Variants in CACNB2 observed in about 807,000 individuals in gnomAD.
CACNB2 encodes calcium voltage-gated channel auxiliary subunit beta 2.
In CACNB2, 42 loss-of-function variants were observed where a neutral mutation model predicts 73.3. The ratio of observed to expected loss-of-function variants is 0.57; its 90% CI spans 0.45 to 0.74. The LOEUF is 0.74. Among genes scored for constraint, CACNB2 ranks in the 30% least tolerant of loss-of-function variants. The pLI is 0.00. For synonymous variants in CACNB2, 348 were observed against 310.3 expected (o/e 1.12, Z -1.28); for missense variants, 940 against 853.0 (o/e 1.10, Z -1.27).
chr10:18,222,820 C>T (rs1403662492), intron 2 of CACNB2, among the ~76,000 whole-genome samples: 1 of 152,104 alleles, frequency 6.6e-6, no homozygotes, highest in Non-Finnish European at 1.5e-5. Flanking sequence ...GCCTGTAATC[C>T]CAGCTACTTG....
intron 2 of CACNB2, among the ~76,000 whole-genome samples, chr10:18,265,149 CTTT>C (rs34442607): frequency 8.3e-6 from 1 of 120,958 alleles, no homozygotes; most frequent in Non-Finnish European, 1.7e-5. Context: ...TGGCCATCTT[CTTT>C]TTTTTTTTTT....
chr10:18,473,920 G>GT (rs1387046650), intron 3 of CACNB2, among the ~76,000 whole-genome samples: 1 of 152,142 alleles, frequency 6.6e-6, no homozygotes, highest in Non-Finnish European at 1.5e-5. Context: ...GAAGCTGCAG[G>GT]TGCAGCTCCC....
chr10:18,527,515 T>TG (rs2052597205), intron 9 of CACNB2, 73 bp from the exon 10 acceptor site: 1 of 876,170 alleles, frequency 1.1e-6, no homozygotes, highest in South Asian at 1.3e-5. Flanking sequence ...TAGATGAATT[T>TG]GGGGCATACA....
chr10:18,252,005 T>G (rs886153353), intron 2 of CACNB2, among the ~76,000 whole-genome samples: 1 of 152,210 alleles, frequency 6.6e-6, no homozygotes, highest in Non-Finnish European at 1.5e-5. Context: ...ATAATTGATA[T>G]GAGGATTAAA....
chr10:18,448,302 TC>T lies in CACNB2; in HGVS notation c.333+46260del, dbSNP rs60164469. ...CTGGCCAACATGGTGAAACACCATCTCTACTAAAAACACAAAAATTAGCAGG... is the reference window on the plus strand; with the variant it reads ...CTGGCCAACATGGTGAAACACCATCTTACTAAAAACACAAAAATTAGCAGG... On this transcript the variant is annotated intron_variant, in intron 3 of 13. Coordinates refer to ENST00000324631, the MANE Select transcript of CACNB2 (RefSeq NM_201596.3). Among the ~76,000 whole-genome samples the T allele has an allele frequency of 5.7e-3, 865 of 151,898 alleles. 12 individuals carry two copies. Among genetic ancestry groups the T allele is most frequent in the African/African-American group, 0.02 (822 of 41,472 alleles).
intron 3 of CACNB2, among the ~76,000 whole-genome samples, chr10:18,424,822 A>G (rs2045514674): frequency 6.6e-6 from 1 of 152,192 alleles, no homozygotes; most frequent in Admixed American, 6.5e-5. Flanking sequence ...CTTTTTACCA[A>G]TATGTGGTCT....
intron 4 of CACNB2, among the ~76,000 whole-genome samples, chr10:18,499,329 A>G (rs2050031772): frequency 6.6e-6 from 1 of 152,176 alleles, no homozygotes. Context: ...CGATTAAAAG[A>G]ACCTAGGGCT....
At chr10:18,405,709 G>A (rs1435536467) in intron 3 of CACNB2, among the ~76,000 whole-genome samples, 1 of 152,214 alleles carries the variant, frequency 6.6e-6, no homozygotes, top group African/African-American at 2.4e-5. Flanking sequence ...TGTAATCCCA[G>A]CAATTTGGGA....
At chr10:18,424,374 C>T (rs1035391717) in intron 3 of CACNB2, among the ~76,000 whole-genome samples, 1 of 152,030 alleles carries the variant, frequency 6.6e-6, no homozygotes, top group Non-Finnish European at 1.5e-5. Context: ...AGGGGCTATT[C>T]GTGCAGAAAT....
rs549316692 is a variant in CACNB2 at position 18,226,836 on chromosome 10, T to C, written c.213+75861T>C. 4.6e-5 allele frequency among the ~76,000 whole-genome samples: 7 copies of C among 152,318 alleles called. No individual in the cohort carries two copies. In the South Asian group the frequency reaches 1.4e-3, roughly 32 times the overall value. On this transcript the variant is annotated intron_variant, in intron 2 of 13. Transcript: ENST00000324631. ...TACAGCCAGGATTTTAACTCCTGTC[T>C]TTTAACTCCCAGTTTTGCCACACTG... is the stretch of plus-strand genomic sequence containing the variant.
chr10:18,512,457 TTC>T (rs10596632), intron 6 of CACNB2, among the ~76,000 whole-genome samples: 30,858 of 152,082 alleles, frequency 0.2, 3,380 homozygotes, highest in South Asian at 0.3. Context: ...GAATTTTCCA[TTC>T]TCTCTTTTTC....
intron 5 of CACNB2, among the ~76,000 whole-genome samples, chr10:18,501,976 A>G (rs1278662726): frequency 5.9e-5 from 9 of 152,206 alleles, no homozygotes; most frequent in African/African-American, 2.2e-4. Context: ...AGATGGTGAG[A>G]TGCATTCAGT....
chr10:18,420,860 G>T (rs2045281352), intron 3 of CACNB2, among the ~76,000 whole-genome samples: 1 of 152,080 alleles, frequency 6.6e-6, no homozygotes, highest in Admixed American at 6.5e-5. Context: ...AATACAAGAA[G>T]AACTGAAAAT....
At chr10:18,451,561 A>G (rs1046257714) in intron 3 of CACNB2, among the ~76,000 whole-genome samples, 1 of 152,216 alleles carries the variant, frequency 6.6e-6, no homozygotes. Flanking sequence ...CAATGTCTTT[A>G]GGGCTGTGTT....
intron 4 of CACNB2, 123 bp downstream of exon 4, chr10:18,498,600 A>G (rs750674644): frequency 4.2e-6 from 4 of 960,582 alleles, no homozygotes; most frequent in Admixed American, 1.7e-5. Context: ...TGTATAACAC[A>G]CATAACTAAA....
chr10:18,489,946 T>G (rs759888148), intron 3 of CACNB2, among the ~76,000 whole-genome samples: 3 of 152,124 alleles, frequency 2.0e-5, no homozygotes, highest in African/African-American at 7.2e-5. Flanking sequence ...GGCGTGATCA[T>G]GGCTCACTGC....
chr10:18,176,073 C>T (rs2131180896), intron 2 of CACNB2, among the ~76,000 whole-genome samples: 1 of 152,288 alleles, frequency 6.6e-6, no homozygotes, highest in Admixed American at 6.5e-5. Context: ...GCCTGTTATA[C>T]ATGAGAATAT....
chr10:18,190,522 A>G (rs2034349301), intron 2 of CACNB2, among the ~76,000 whole-genome samples: 1 of 152,230 alleles, frequency 6.6e-6, no homozygotes, highest in African/African-American at 2.4e-5. Context: ...ATGCTGTTAA[A>G]AATAGTTACT....
intron 2 of CACNB2, among the ~76,000 whole-genome samples, chr10:18,189,677 A>T (rs2034308119): frequency 6.6e-6 from 1 of 152,166 alleles, no homozygotes; most frequent in Non-Finnish European, 1.5e-5. Context: ...AATGGTGAGC[A>T]TTGGTGTCAG....
Sources: gnomAD v4.1 joint callset for allele counts (sites outside exome capture counted in the v4.1 genomes callset) on GRCh38, gnomAD v4.1.1 for gene constraint, MANE v1.5 for transcripts, NCBI Gene and HGNC (gene_info 2026-07-23, HGNC 2026-07-21) for gene names.